Variants in FAM168A observed in about 807,000 individuals in gnomAD.
FAM168A encodes the protein protein FAM168A.
A neutral mutation model predicts 28.5 loss-of-function variants in FAM168A; 3 were observed. That is an observed-to-expected ratio of 0.11 (90% confidence interval 0.05 to 0.27). FAM168A has a LOEUF of 0.27. FAM168A is among the 10% of genes least tolerant of loss of function. The pLI is 1.00. For missense variants in FAM168A, 222 were observed against 311.5 expected (o/e 0.71, Z 2.16); for synonymous variants, 122 against 124.2 (o/e 0.98, Z 0.12).
chr11:73,410,660 T>TAAAAA (rs575015817), intron 5 of FAM168A: 1 of 151,958 alleles, frequency 6.6e-6, no homozygotes, highest in African/African-American at 2.4e-5. Context: ...TAAATGAGAT[T>TAAAAA]AAAAAAAATA....
Position 73,487,376 on chromosome 11 carries a change from T to C in FAM168A, c.-18-18884A>G, listed in dbSNP as rs200357201. 1.4e-4 allele frequency among the ~76,000 whole-genome samples: 22 copies of C among 152,302 alleles called. No individual in the cohort carries two copies. The East Asian group carries it at 4.2e-3, about 29-fold the overall frequency. On this transcript the variant is annotated intron_variant, in intron 1 of 7. Coordinates refer to ENST00000356467, the MANE Select transcript of FAM168A (RefSeq NM_015159.3). Reference sequence around the variant, plus strand: ...GGCTGATTTTCTCTCACTTCTCACCTTCCCCTAGGCCTTGAACCACTTACA... The same window carrying C: ...GGCTGATTTTCTCTCACTTCTCACCCTCCCCTAGGCCTTGAACCACTTACA...
intron 2 of FAM168A, among the ~76,000 whole-genome samples, chr11:73,436,987 T>C (rs2134521383): frequency 6.6e-6 from 1 of 152,306 alleles, no homozygotes; most frequent in East Asian, 1.9e-4. Flanking sequence ...TCACAGGCAC[T>C]GAATTATAGA....
chr11:73,407,678 G>A (rs1243417202), intron 6 of FAM168A, 35 bp from the exon 7 acceptor site: 1 of 1,544,606 alleles, frequency 6.5e-7, no homozygotes, highest in African/African-American at 1.4e-5. Flanking sequence ...AACCTGACGA[G>A]GCTGCACCAG....
intron 2 of FAM168A, among the ~76,000 whole-genome samples, chr11:73,461,384 C>T (rs979968047): frequency 6.6e-6 from 1 of 152,164 alleles, no homozygotes; most frequent in African/African-American, 2.4e-5. Flanking sequence ...TCTTAAAGTG[C>T]TGGGATTACA....
intron 1 of FAM168A, among the ~76,000 whole-genome samples, chr11:73,500,686 A>C (rs557592305): frequency 7.9e-5 from 12 of 152,328 alleles, no homozygotes; most frequent in Non-Finnish European, 1.6e-4. Context: ...CTGCTGAAAG[A>C]AGCACTAAAT....
chr11:73,565,236 T>C (rs995368969), intron 1 of FAM168A, among the ~76,000 whole-genome samples: 8 of 152,216 alleles, frequency 5.3e-5, no homozygotes, highest in African/African-American at 1.9e-4. Context: ...TGGGATATTC[T>C]GTCATTTCCC....
intron 2 of FAM168A, among the ~76,000 whole-genome samples, chr11:73,431,525 G>C (rs1336828018): frequency 6.6e-6 from 1 of 152,102 alleles, no homozygotes; most frequent in African/African-American, 2.4e-5. Context: ...ATATTCAGTG[G>C]TGTGCTGGTA....
intron 2 of FAM168A, among the ~76,000 whole-genome samples, chr11:73,443,542 CA>C (rs1160652206): frequency 6.6e-6 from 1 of 152,084 alleles, no homozygotes; most frequent in African/African-American, 2.4e-5. Flanking sequence ...GCTGCAACTC[CA>C]AGTTAGTGAC....
chr11:73,479,519 A>G (rs1867939388), intron 1 of FAM168A, among the ~76,000 whole-genome samples: 1 of 152,192 alleles, frequency 6.6e-6, no homozygotes, highest in Admixed American at 6.5e-5. Context: ...GGAAGGTTTG[A>G]GCATGCAATC....
chr11:73,409,658 C>T lies in FAM168A; in HGVS notation c.424G>A (p.Ala142Thr). 1 of 1,600,232 alleles carries T rather than the reference C, an allele frequency of 6.2e-7. No homozygotes were observed. Among genetic ancestry groups the T allele is most frequent in the Non-Finnish European group, 8.5e-7 (1 of 1,171,440 alleles). Residue 142 changes from alanine to threonine, a missense_variant, in exon 6 of 8, where the codon GCC (alanine) becomes ACC (threonine). Physicochemically the swap from Ala to Thr is moderately conservative, Grantham distance 58. Coordinates refer to ENST00000356467, the MANE Select transcript of FAM168A (RefSeq NM_015159.3). Reference sequence around the variant, plus strand: ...GCATACACCGGCTGTGTGTAGTAGGCTCCCTGGGGGAAAGAGGCTGAGGTC... The same window carrying T: ...GCATACACCGGCTGTGTGTAGTAGGTTCCCTGGGGGAAAGAGGCTGAGGTC... The part of the protein sequence containing the change: ...YPQQNLYAQG[A>T]YYTQPVYAAQ...
At chr11:73,536,746 T>C (rs1376834607) in intron 1 of FAM168A, among the ~76,000 whole-genome samples, 1 of 152,200 alleles carries the variant, frequency 6.6e-6, no homozygotes, top group East Asian at 1.9e-4. Flanking sequence ...TTGATGGTTA[T>C]TCACTTCATA....
At chr11:73,573,721 T>G (rs1379514198) in intron 1 of FAM168A, among the ~76,000 whole-genome samples, 5 of 152,094 alleles carry the variant, frequency 3.3e-5, no homozygotes, top group Non-Finnish European at 5.9e-5. Context: ...GGAGGTTGGC[T>G]GGAAGACAGG....
intron 1 of FAM168A, among the ~76,000 whole-genome samples, chr11:73,587,502 A>G (rs1294620958): frequency 1.3e-5 from 2 of 152,074 alleles, no homozygotes; most frequent in Non-Finnish European, 2.9e-5. Flanking sequence ...AAAAAAAAAA[A>G]AAAAGGAATC....
At chr11:73,441,145 G>A (rs974725030) in intron 2 of FAM168A, among the ~76,000 whole-genome samples, 6 of 149,290 alleles carry the variant, frequency 4.0e-5, no homozygotes, top group Non-Finnish European at 7.4e-5. Flanking sequence ...CACAACCTCC[G>A]CATCCCGGGT....
At chr11:73,591,199 C>T (rs1321514450) in intron 1 of FAM168A, among the ~76,000 whole-genome samples, 1 of 152,006 alleles carries the variant, frequency 6.6e-6, no homozygotes, top group Admixed American at 6.6e-5. Flanking sequence ...GATTTATATG[C>T]AGTACAACAA....
chr11:73,474,278 C>T (rs1249329690), intron 1 of FAM168A, among the ~76,000 whole-genome samples: 1 of 152,078 alleles, frequency 6.6e-6, no homozygotes, highest in Non-Finnish European at 1.5e-5. Context: ...TATATCATCC[C>T]ATGGAAGGGC....
At chr11:73,558,209 G>A (rs1943912397) in intron 1 of FAM168A, among the ~76,000 whole-genome samples, 1 of 152,132 alleles carries the variant, frequency 6.6e-6, no homozygotes, top group African/African-American at 2.4e-5. Context: ...GGCCAAATGT[G>A]ACAGCTTACA....
intron 1 of FAM168A, among the ~76,000 whole-genome samples, chr11:73,544,782 TATATATTTTA>T (rs1251164733): frequency 2.1e-3 from 223 of 106,028 alleles, no homozygotes; most frequent in African/African-American, 7.6e-3. Flanking sequence ...TATATATAAT[TATATATTTTA>T]TATATGTAAT....
chr11:73,490,615 C>T (rs1868114650), intron 1 of FAM168A, among the ~76,000 whole-genome samples: 1 of 152,196 alleles, frequency 6.6e-6, no homozygotes, highest in Non-Finnish European at 1.5e-5. Flanking sequence ...AGGGCTTTGG[C>T]ATCTATTCTC....
Sources: allele counts gnomAD v4.1 joint callset (sites outside exome capture counted in the v4.1 genomes callset), GRCh38; gene constraint gnomAD v4.1.1; transcripts MANE v1.5; gene names NCBI Gene and HGNC (gene_info 2026-07-23, HGNC 2026-07-21).